The following POFUT1 variants were observed in gnomAD, a reference collection of about 807,000 sequenced individuals.
POFUT1 encodes the protein GDP-fucose protein O-fucosyltransferase 1.
A neutral mutation model predicts 42.4 loss-of-function variants in POFUT1; 16 were observed. That is an observed-to-expected ratio of 0.38 (90% CI 0.26 to 0.57). POFUT1 has a LOEUF of 0.57. Ranked by LOEUF, POFUT1 falls within the 20% of genes least tolerant of loss-of-function variation. The pLI, the probability that POFUT1 is intolerant of heterozygous loss-of-function variation, is 0.71. For missense variants in POFUT1, 470 were observed against 504.6 expected, an observed-to-expected ratio of 0.93 and a Z score of 0.66; for synonymous variants, 206 against 205.4, an observed-to-expected ratio of 1.00 and a Z score of -0.03.
intron 2 of POFUT1, 97 bp downstream of exon 2, chr20:32,210,289 C>T: frequency 8.0e-7 from 1 of 1,256,276 alleles, no homozygotes; most frequent in Non-Finnish European, 1.2e-6. Flanking sequence ...ACCTCCCACT[C>T]CTCTGAGATT....
intron 4 of POFUT1, 65 bp downstream of exon 4, chr20:32,216,786 C>T: frequency 7.3e-7 from 1 of 1,367,390 alleles, no homozygotes; most frequent in Non-Finnish European, 1.0e-6. Context: ...GCATTCAGCA[C>T]CTTCTGGCAC....
At chr20:32,228,512 C>A in intron 5 of POFUT1, 57 bp downstream of exon 5, 1 of 1,517,630 alleles carries the variant, frequency 6.6e-7, no homozygotes, top group Non-Finnish European at 9.1e-7. Flanking sequence ...GAGCATGGCC[C>A]TGGCCTGTAG....
chr20:32,234,567 T>C lies in POFUT1; in HGVS notation c.1073T>C (p.Phe358Ser). The C allele has an allele frequency of 6.2e-7, 1 of 1,614,220 alleles. No homozygotes were observed. Among genetic ancestry groups the C allele is most frequent in the South Asian group, 1.1e-5 (1 of 91,088 alleles). ...TTTATTGGCAACTGTGTCTCCTCCT[T>C]CACTGCCTTTGTGAAGCGGGAGCGG... The part of the protein sequence containing the change: ...DHFIGNCVSS[F>S]TAFVKRERDL... Residue 358 changes from phenylalanine to serine, a missense_variant, in exon 7 of 7, where the codon TTC becomes TCC. Transcript: ENST00000375749.
At chr20:32,218,582 C>T (rs1481352182) in intron 4 of POFUT1, among the ~76,000 whole-genome samples, 3 of 152,178 alleles carry the variant, frequency 2.0e-5, no homozygotes, top group East Asian at 3.8e-4. Flanking sequence ...AGATTTAAAT[C>T]TTCCTCATTG....
At position 32,210,099 on chromosome 20, in the gene POFUT1, C is replaced by G. The variant is rs763902006; in HGVS notation, c.153C>G (p.Phe51Leu). 6 of 1,614,224 alleles carry G rather than the reference C, an allele frequency of 3.7e-6. No homozygotes were observed. Among genetic ancestry groups the G allele is most frequent in the Non-Finnish European group, 3.4e-6 (4 of 1,180,044 alleles). The change falls in exon 2 of 7, where the codon TTC (phenylalanine) becomes TTG (leucine). Residue 51 changes from phenylalanine to leucine, a missense_variant. Transcript: ENST00000375749. ...MGRFGNQADH[F>L]LGSLAFAKLL... is the part of the protein sequence containing the mutation. ...GCTTTGGGAACCAGGCCGATCACTTCTTGGGCTCTCTGGCATTTGCAAAGC... is the reference window on the plus strand; with the variant it reads ...GCTTTGGGAACCAGGCCGATCACTTGTTGGGCTCTCTGGCATTTGCAAAGC...
chr20:32,223,662 C>G lies in POFUT1; in HGVS notation c.543-4601C>G, dbSNP rs536672094. On this transcript the variant is annotated intron_variant, in intron 4 of 6. Transcript: ENST00000375749. ...CAGGTAATATGAATTCCTTCCTTCT[C>G]TAACCCCTGACAGCCTGATCGGGTC... 3.0e-6 allele frequency: 3 copies of G among 985,450 alleles called. No individual in the cohort carries two copies. In the Admixed American group the frequency reaches 1.8e-4, roughly 60 times the overall value. The allele number at this position is 985,450 out of a possible 1,614,324, so 61.0% of individuals were successfully genotyped here.
chr20:32,231,145 C>T (rs2047441748), intron 6 of POFUT1, 84 bp downstream of exon 6: 8 of 1,462,500 alleles, frequency 5.5e-6, no homozygotes, highest in African/African-American at 2.8e-5. Flanking sequence ...GCATGCTTCA[C>T]GGGCTCCCCT....
intron 4 of POFUT1, among the ~76,000 whole-genome samples, chr20:32,226,138 GAAAC>G (rs750476600): frequency 9.2e-5 from 14 of 151,786 alleles, no homozygotes; most frequent in Non-Finnish European, 1.5e-4. Flanking sequence ...TTTTAAACCT[GAAAC>G]AAAGCAAAGT....
At position 32,230,871 on chromosome 20, in the gene POFUT1, C is replaced by A. The variant is rs777678239; in HGVS notation, c.788C>A (p.Ala263Asp). 6.2e-7 allele frequency: 1 copy of A among 1,614,174 alleles called. No homozygotes were observed. The highest frequency in any genetic ancestry group is 2.2e-5 in the East Asian group (1 of 44,886). Residue 263 changes from alanine (A) to aspartate (D), a missense_variant, in exon 6 of 7, where the codon GCC becomes GAC. By Grantham distance (126) the Ala-to-Asp change is moderately radical. Transcript: ENST00000375749. ...GGGACTGCAGGCTCGCACTTCATGG[C>A]CTCTCCGCAGTGTGTGGGCTACAGC... ...KDGTAGSHFM[A>D]SPQCVGYSRS... is the part of the protein sequence containing the mutation.
At chr20:32,233,584 G>T (rs975408038) in intron 6 of POFUT1, among the ~76,000 whole-genome samples, 1 of 152,216 alleles carries the variant, frequency 6.6e-6, no homozygotes, top group Admixed American at 6.5e-5. Context: ...TCTTCTGGCT[G>T]CTCTGTGGTG....
intron 4 of POFUT1, among the ~76,000 whole-genome samples, chr20:32,225,175 T>TTTTTTTA (rs1421424754): frequency 6.6e-6 from 1 of 152,136 alleles, no homozygotes; most frequent in African/African-American, 2.4e-5. Flanking sequence ...ATATACAACC[T>TTTTTTTA]TTTTTTATTT....
chr20:32,234,312 A>G (rs1429958507), intron 6 of POFUT1, among the ~76,000 whole-genome samples, 161 bp from the exon 7 acceptor site: 2 of 152,250 alleles, frequency 1.3e-5, no homozygotes, highest in Non-Finnish European at 2.9e-5. Context: ...CCTAGGCAGC[A>G]GCTGGGCAAT....
chr20:32,210,406 C>G (rs751870101), intron 2 of POFUT1, among the ~76,000 whole-genome samples: 7 of 152,222 alleles, frequency 4.6e-5, no homozygotes, highest in Non-Finnish European at 8.8e-5. Flanking sequence ...ATTTCACCCT[C>G]ATCACTTGCC....
intron 6 of POFUT1, among the ~76,000 whole-genome samples, chr20:32,232,943 C>T (rs935331374): frequency 3.9e-5 from 6 of 152,144 alleles, no homozygotes; most frequent in Admixed American, 1.3e-4. Context: ...GATGTGGTCC[C>T]GCTCTCCAGG....
chr20:32,231,547 T>A (rs184893441), intron 6 of POFUT1, among the ~76,000 whole-genome samples: 2 of 152,190 alleles, frequency 1.3e-5, no homozygotes, highest in African/African-American at 4.8e-5. Flanking sequence ...ATGTAGAGAG[T>A]GGGCTCTGGG....
rs547816184 is a variant in POFUT1 at position 32,222,974 on chromosome 20, A to G, written c.543-5289A>G. The G allele has an allele frequency of 6.7e-5, 66 of 985,146 alleles. No individual in the cohort carries two copies. In the South Asian group the frequency reaches 2.6e-3, roughly 39 times the overall value. 61.0% of individuals were successfully genotyped at this position (985,146 alleles called of 1,614,324 possible). ...GGAGGGAAAGGCAGTCCTTCATGGC[A>G]GGGACATCCAGAACAAAGCCCTGCC... On this transcript the variant is annotated intron_variant, in intron 4 of 6. Coordinates refer to ENST00000375749, the MANE Select transcript of POFUT1 (RefSeq NM_015352.2).
chr20:32,224,937 A>G (rs1010800818), intron 4 of POFUT1, among the ~76,000 whole-genome samples: 2 of 152,218 alleles, frequency 1.3e-5, no homozygotes, highest in South Asian at 4.1e-4. Context: ...TAGAAAGTTG[A>G]TTAGATTTAT....
chr20:32,238,208 CATG>C lies in POFUT1; in HGVS notation c.*3548_*3550del, dbSNP rs1208641602. The C allele has an allele frequency of 6.3e-5, 11 of 173,486 alleles. No homozygotes were observed. Among genetic ancestry groups the C allele is most frequent in the Non-Finnish European group, 1.4e-4 (11 of 79,954 alleles). The allele number at this position is 173,486 out of a possible 1,614,324, so 10.7% of individuals were successfully genotyped here. A position where few individuals can be genotyped will look rare whatever the true frequency, so the allele number is the denominator to read the frequency against. On this transcript the variant is annotated 3_prime_UTR_variant, in exon 7 of 7. Coordinates refer to ENST00000375749, the MANE Select transcript of POFUT1 (RefSeq NM_015352.2). ...AGGAGTTCAAGACCAGCCTGGCCAA[CATG>C]GTGAATTATCTCTACTAAAAATACA...
At position 32,208,018 on chromosome 20, in the gene POFUT1, C is replaced by T. The variant is rs1216021796; in HGVS notation, c.77C>T (p.Ala26Val). ...CTTCTGCCGCTCCCGGGGATGCCTGCGGGCTCCTGGGACCCGGCCGGTTAC... is the reference window on the plus strand; with the variant it reads ...CTTCTGCCGCTCCCGGGGATGCCTGTGGGCTCCTGGGACCCGGCCGGTTAC... ...LLLLPLPGMP[A>V]GSWDPAGYLL... The change falls in exon 1 of 7, where the codon GCG becomes GTG. Residue 26 changes from alanine to valine, a missense_variant. Coordinates refer to ENST00000375749, the MANE Select transcript of POFUT1 (RefSeq NM_015352.2). The T allele has an allele frequency of 6.3e-7, 1 of 1,578,858 alleles. No homozygotes were observed. Among genetic ancestry groups the T allele is most frequent in the Non-Finnish European group, 8.6e-7 (1 of 1,166,642 alleles).
Sources: allele counts gnomAD v4.1 joint callset (sites outside exome capture counted in the v4.1 genomes callset), GRCh38; gene constraint gnomAD v4.1.1; transcripts MANE v1.5; gene names NCBI Gene and HGNC (gene_info 2026-07-23, HGNC 2026-07-21).